The following CUL9 variants were observed in gnomAD, a reference collection of about 807,000 sequenced individuals.
CUL9 encodes the protein cullin 9, also known as cullin-9.
Under a neutral mutation model 272.6 loss-of-function variants are expected in CUL9, and 79 were observed. The ratio of observed to expected loss-of-function variants is 0.29; its 90% CI spans 0.24 to 0.35. The LOEUF (loss-of-function observed/expected upper bound fraction) is 0.35. Ranked by LOEUF, CUL9 falls within the 10% of genes least tolerant of loss-of-function variation. CUL9 has a pLI of 1.00. For synonymous variants in CUL9, 1,186 were observed against 1,286.5 expected (o/e 0.92, Z 1.67); for missense variants, 2,532 against 3,255.6 (o/e 0.78, Z 5.41).
At position 43,193,245 on chromosome 6, in the gene CUL9, C is replaced by T; in HGVS notation, c.2388+37C>T. ...GGGCCTGGCGGGAGAGAACAATGGG[C>T]AAGACAGGCAGACTGGGGACTACTG... is the stretch of plus-strand genomic sequence containing the variant. On this transcript the variant is annotated intron_variant, in intron 9 of 40. Transcript: ENST00000252050. 3.1e-6 allele frequency: 5 copies of T among 1,590,266 alleles called. No individual in the cohort carries two copies. The South Asian group carries it at 3.3e-5, about 11-fold the overall frequency.
rs1776353221 is a variant in CUL9 at position 43,221,378 on chromosome 6, CAGA to C, written c.6752+60_6752+62del. 4.0e-6 allele frequency: 6 copies of C among 1,499,474 alleles called. No individual in the cohort carries two copies. The highest frequency in any genetic ancestry group is 5.3e-6 in the Non-Finnish European group (6 of 1,122,998). The allele number at this position is 1,499,474 out of a possible 1,614,324, so 92.9% of individuals were successfully genotyped here. A position where few individuals can be genotyped will look rare whatever the true frequency, so the allele number is the denominator to read the frequency against. ...GGCAAGGAGGGGGGAGGAGGCCTGGCAGAAGGAGGGGGGAACGGGCTTAGTGTA... is the reference window on the plus strand; with the variant it reads ...GGCAAGGAGGGGGGAGGAGGCCTGGCAGGAGGGGGGAACGGGCTTAGTGTA... On this transcript the variant is annotated intron_variant, in intron 34 of 40. Transcript: ENST00000252050. The surrounding 1 kb of genome is among the most constrained non-coding windows in gnomAD (Gnocchi z 4.2).
At chr6:43,222,691 C>T in intron 37 of CUL9, 50 bp downstream of exon 37, 1 of 1,605,318 alleles carries the variant, frequency 6.2e-7, no homozygotes. Context: ...CCAAATGGGT[C>T]TGGGGGGCTT....
At position 43,222,562 on chromosome 6, in the gene CUL9, C is replaced by T; in HGVS notation, c.6953C>T (p.Ser2318Phe). 6.2e-7 allele frequency: 1 copy of T among 1,613,828 alleles called. No individual in the cohort carries two copies. The highest frequency in any genetic ancestry group is 1.1e-5 in the South Asian group (1 of 91,086). Residue 2318 changes from serine to phenylalanine, a missense_variant, in exon 37 of 41, where the codon TCT becomes TTT. Ser to Phe is a radical substitution (Grantham distance 155). Around this residue, in one of 3 missense-constraint regions of CUL9, gnomAD observed 237 missense variants for 305.9 expected, o/e 0.77. Transcript: ENST00000252050. ...GCTGTGAACTTGCGGAACCGGGTGT[C>T]TGCCATCCATGAAGTGCCCCCGCCC... The part of the protein sequence containing the change: ...EFAVNLRNRV[S>F]AIHEVPPPRS...
At chr6:43,183,613 C>A (rs899364355) in intron 1 of CUL9, among the ~76,000 whole-genome samples, 26 of 152,206 alleles carry the variant, frequency 1.7e-4, no homozygotes, top group African/African-American at 5.5e-4. Context: ...TGCTATCCTG[C>A]CTAAACTGTC....
At position 43,208,433 on chromosome 6, in the gene CUL9, T is replaced by C. The variant is rs138620822; in HGVS notation, c.5212+1923T>C. Among the ~76,000 whole-genome samples the C allele has an allele frequency of 4.7e-3, 721 of 152,314 alleles. 4 individuals are homozygous for C. Among genetic ancestry groups the C allele is most frequent in the African/African-American group, 0.017 (691 of 41,576 alleles). On this transcript the variant is annotated intron_variant, in intron 26 of 40. Transcript: ENST00000252050. ...GTTGGCCAGGCTAGTCTCAAACTCCTGGCCTCAGGTGGTCCAGCTGCCTTG... is the reference window on the plus strand; with the variant it reads ...GTTGGCCAGGCTAGTCTCAAACTCCCGGCCTCAGGTGGTCCAGCTGCCTTG...
At position 43,218,507 on chromosome 6, in the gene CUL9, C is replaced by T. The variant is rs752630128; in HGVS notation, c.6283-1952C>T. Among the ~76,000 whole-genome samples, 8 of 152,322 alleles carry T rather than the reference C, an allele frequency of 5.3e-5. No individual in the cohort carries two copies. Among genetic ancestry groups the T allele is most frequent in the Middle Eastern group, 3.4e-3 (1 of 294 alleles). On this transcript the variant is annotated intron_variant, in intron 31 of 40. Transcript: ENST00000252050. The surrounding 1 kb of genome is among the most constrained non-coding windows in gnomAD (Gnocchi z 4.4). Reference sequence around the variant, plus strand: ...CTGGAATTACAGGCGTGAGCCACTGCGCCCGGCCCTACATTTTTTAAAAGA... The same window carrying T: ...CTGGAATTACAGGCGTGAGCCACTGTGCCCGGCCCTACATTTTTTAAAAGA...
intron 1 of CUL9, among the ~76,000 whole-genome samples, chr6:43,183,383 C>G (rs1772595624): frequency 6.6e-6 from 1 of 152,184 alleles, no homozygotes; most frequent in Non-Finnish European, 1.5e-5. Context: ...GTCATTTGCC[C>G]CAACATCCCA....
rs1369922750 is a variant in CUL9 at position 43,202,815 on chromosome 6, C to A, written c.3747C>A (p.Leu1249=). The change falls in exon 17 of 41, where the codon CTC becomes CTA. Residue 1249 remains leucine, a synonymous_variant. Transcript: ENST00000252050. ...GDSTSCIGTE[L]NTVNVMPSAS... ...GCACCAGCTGCATCGGCACTGAGCTCAACACGGTGGGGACCCTTGTGCCCA... is the reference window on the plus strand; with the variant it reads ...GCACCAGCTGCATCGGCACTGAGCTAAACACGGTGGGGACCCTTGTGCCCA... 2 of 1,613,892 alleles carry A rather than the reference C, an allele frequency of 1.2e-6. No homozygotes were observed. Among genetic ancestry groups the A allele is most frequent in the Non-Finnish European group, 1.7e-6 (2 of 1,179,928 alleles).
rs73736724 is a variant in CUL9, at chr6:43,183,111, A to C, written c.-10+862A>C. Among the ~76,000 whole-genome samples, 580 of 152,324 alleles carry C rather than the reference A, an allele frequency of 3.8e-3. 2 individuals are homozygous for C. The highest frequency in any genetic ancestry group is 0.013 in the African/African-American group (531 of 41,558). On this transcript the variant is annotated intron_variant, in intron 1 of 40. Transcript: ENST00000252050. ...GAGGTTAAGTAACTTGTTCCAAACT[A>C]TGCAGACAGTGAGACAGAAAGCCAG...
chr6:43,207,419 G>A (rs1158795368), intron 26 of CUL9, among the ~76,000 whole-genome samples: 2 of 152,104 alleles, frequency 1.3e-5, no homozygotes, highest in Admixed American at 6.6e-5. Flanking sequence ...TGTCTTTCAC[G>A]AAACATACTG....
chr6:43,198,430 G>A (rs1460769775), intron 11 of CUL9, 179 bp from the exon 12 acceptor site: 4 of 984,256 alleles, frequency 4.1e-6, no homozygotes, highest in Non-Finnish European at 4.8e-6. Context: ...TTTCAAATCT[G>A]ATTAGGTTTG....
rs1562039695 is a variant in CUL9 at position 43,203,439 on chromosome 6, G to A, written c.3872G>A (p.Arg1291Gln). ...CAGGGCGGCATTGACACCCGGGTTC[G>A]GGGTGTGGAGGTCCTGGGCCCTAAG... ...CQQGGIDTRV[R>Q]GVEVLGPKPT... Residue 1291 changes from arginine (R) to glutamine (Q), a missense_variant, in exon 19 of 41, where the codon CGG (arginine) becomes CAG (glutamine). Arg to Gln is a conservative substitution (Grantham distance 43, BLOSUM62 1). This residue lies in a region of CUL9 where 2,218 missense variants were observed against 2,788.6 expected (regional missense o/e 0.80). Coordinates refer to ENST00000252050, the MANE Select transcript of CUL9 (RefSeq NM_015089.4). The surrounding 1 kb of genome is among the most constrained non-coding windows in gnomAD (Gnocchi z 5.0). 2 of 1,614,164 alleles carry A rather than the reference G, an allele frequency of 1.2e-6. No homozygotes were observed. The highest frequency in any genetic ancestry group is 1.7e-6 in the Non-Finnish European group (2 of 1,180,036).
intron 1 of CUL9, among the ~76,000 whole-genome samples, 159 bp downstream of exon 1, chr6:43,182,408 C>T (rs958232899): frequency 6.6e-6 from 1 of 151,596 alleles, no homozygotes; most frequent in Non-Finnish European, 1.5e-5. Flanking sequence ...CCCAACCATC[C>T]TTCCCCCTCC....
intron 4 of CUL9, 35 bp downstream of exon 4, chr6:43,186,490 G>A: frequency 1.9e-6 from 3 of 1,554,132 alleles, no homozygotes; most frequent in East Asian, 2.3e-5. Flanking sequence ...ACTGTTGGGA[G>A]TTTATTTGGG....
rs1773092057 is a variant in CUL9 at position 43,188,116 on chromosome 6, G to A, written c.1985G>A (p.Ser662Asn). 1 of 1,613,670 alleles carries A rather than the reference G, an allele frequency of 6.2e-7. No homozygotes were observed. The highest frequency in any genetic ancestry group is 8.5e-7 in the Non-Finnish European group (1 of 1,180,014). ...CCCACTGAGATGAAGGAGGCAGCCA[G>A]TGGTGAGTCAGGTTCTGGGAGGAAG... is the stretch of plus-strand genomic sequence containing the variant. ...TLPTEMKEAA[S>N]EMARALRGPG... Residue 662 changes from serine to asparagine, a missense_variant and splice_region_variant, in exon 7 of 41, where the codon AGT becomes AAT. Around this residue, in one of 3 missense-constraint regions of CUL9, gnomAD observed 2,218 missense variants for 2,788.6 expected, o/e 0.80. Transcript: ENST00000252050.
rs1367316517 is a variant in CUL9, at chr6:43,204,691, G to A, written c.4340-57G>A. On this transcript the variant is annotated intron_variant, in intron 21 of 40. Coordinates refer to ENST00000252050, the MANE Select transcript of CUL9 (RefSeq NM_015089.4). ...TTCCAGGAGATCACTACCCAAGACCGGTGTACTCACCCAGAGGCTGAGATG... is the reference window on the plus strand; with the variant it reads ...TTCCAGGAGATCACTACCCAAGACCAGTGTACTCACCCAGAGGCTGAGATG... 6.3e-5 allele frequency: 100 copies of A among 1,598,412 alleles called. 1 individual carries two copies. The highest frequency in any genetic ancestry group is 7.6e-5 in the Non-Finnish European group (89 of 1,169,288).
Position 43,187,918 on chromosome 6 carries a change from A to T in CUL9, c.1787A>T (p.Glu596Val). ...CACTCCTGTACCCCAGATCCAGAAG[A>T]GGAGTCCAAGTCGGAGGCCAGCTTC... ...RNHSCTPDPEEESKSEASFSE... is the reference protein window; with the variant it reads ...RNHSCTPDPEVESKSEASFSE... The change falls in exon 7 of 41, where the codon GAG becomes GTG. Residue 596 changes from glutamate (E) to valine (V), a missense_variant. By Grantham distance (121) the Glu-to-Val change is moderately radical. Transcript: ENST00000252050. 1.2e-6 allele frequency: 2 copies of T among 1,614,126 alleles called. No individual in the cohort carries two copies. The highest frequency in any genetic ancestry group is 1.7e-6 in the Non-Finnish European group (2 of 1,180,018).
chr6:43,220,750 G>A lies in CUL9; in HGVS notation c.6427G>A (p.Glu2143Lys). 1 of 1,612,466 alleles carries A rather than the reference G, an allele frequency of 6.2e-7. No individual in the cohort carries two copies. The highest frequency in any genetic ancestry group is 1.7e-4 in the Middle Eastern group (1 of 5,776). Reference sequence around the variant, plus strand: ...CGTGGCACCTGCGTCTCCACAGTATGAGAAGGCGCTCCTGCGTGGCTATGT... The same window carrying A: ...CGTGGCACCTGCGTCTCCACAGTATAAGAAGGCGCTCCTGCGTGGCTATGT... Reference protein sequence around the residue: ...VSSPEVISKYEKALLRGYVES... With the variant: ...VSSPEVISKYKKALLRGYVES... The change falls in exon 33 of 41, where the codon GAG (glutamate) becomes AAG (lysine). Residue 2143 changes from glutamate (E) to lysine (K), a missense_variant. Physicochemically the swap from Glu to Lys is moderately conservative, Grantham distance 56 (BLOSUM62 1). Around this residue, in one of 3 missense-constraint regions of CUL9, gnomAD observed 2,218 missense variants for 2,788.6 expected, o/e 0.80. Transcript: ENST00000252050. The surrounding 1 kb of genome is among the most constrained non-coding windows in gnomAD (Gnocchi z 4.9).
chr6:43,203,078 G>A lies in CUL9; in HGVS notation c.3754-31G>A. ...TCCAACCTTGTTTCTGGAGGTGACA[G>A]TTCTCTCCCTCTTCTCCCCTGCCCT... On this transcript the variant is annotated intron_variant, in intron 17 of 40. Transcript: ENST00000252050. This position sits in a 1 kb window ranked among gnomAD's most constrained non-coding sequence, Gnocchi z 5.0. 2 of 1,609,862 alleles carry A rather than the reference G, an allele frequency of 1.2e-6. No individual in the cohort carries two copies. Among genetic ancestry groups the A allele is most frequent in the Non-Finnish European group, 1.7e-6 (2 of 1,177,618 alleles).
Sources: allele counts gnomAD v4.1 joint callset (sites outside exome capture counted in the v4.1 genomes callset), GRCh38; gene constraint gnomAD v4.1.1; regional missense constraint gnomAD v4.1.1; non-coding constraint Gnocchi (gnomAD v3.1); transcripts MANE v1.5; gene names NCBI Gene and HGNC (gene_info 2026-07-23, HGNC 2026-07-21).